PTBP2: variants seen among roughly 807,000 people sequenced by gnomAD.
PTBP2 encodes the protein polypyrimidine tract-binding protein 2.
A neutral mutation model predicts 61.4 loss-of-function variants in PTBP2; 13 were observed. That is an observed-to-expected ratio of 0.21 (90% CI 0.14 to 0.34). The LOEUF (loss-of-function observed/expected upper bound fraction) is 0.34. Ranked by LOEUF, PTBP2 falls within the 10% of genes least tolerant of loss-of-function variation. The pLI is 1.00. For missense variants in PTBP2, 405 were observed against 642.6 expected (o/e 0.63, Z 4.00); for synonymous variants, 215 against 218.5 (o/e 0.98, Z 0.14).
At chr1:96,740,060 A>G (rs1000011396) in intron 2 of PTBP2, among the ~76,000 whole-genome samples, 1 of 152,130 alleles carries the variant, frequency 6.6e-6, no homozygotes, top group Non-Finnish European at 1.5e-5. Flanking sequence ...ACTTAATATA[A>G]TGTCCTCAGG....
exon 14 of PTBP2, chr1:96,821,597 G>A (rs1010255691): frequency 1.3e-5 from 2 of 151,582 alleles, no homozygotes; most frequent in Non-Finnish European, 2.9e-5. Context: ...TGGATTACTA[G>A]CCACATAAAT....
At chr1:96,763,265 C>A (rs2100979826) in intron 3 of PTBP2, among the ~76,000 whole-genome samples, 1 of 152,212 alleles carries the variant, frequency 6.6e-6, no homozygotes, top group South Asian at 2.1e-4. Flanking sequence ...GAGATCACGC[C>A]ACTGCACTCC....
chr1:96,813,156 G>C (rs1168122916), intron 13 of PTBP2, 50 bp downstream of exon 13: 1 of 1,556,424 alleles, frequency 6.4e-7, no homozygotes, highest in Non-Finnish European at 8.7e-7. Context: ...AAATTTTTAA[G>C]TAGTTTTTGT....
intron 2 of PTBP2, among the ~76,000 whole-genome samples, chr1:96,730,606 C>T (rs1413788750): frequency 6.6e-6 from 1 of 151,994 alleles, no homozygotes; most frequent in East Asian, 1.9e-4. Context: ...GTTTTGTGGT[C>T]CAAATATATA....
At chr1:96,768,092 A>C (rs552798649) in intron 3 of PTBP2, among the ~76,000 whole-genome samples, 1 of 152,238 alleles carries the variant, frequency 6.6e-6, no homozygotes, top group East Asian at 1.9e-4. Flanking sequence ...CAATAAAGTC[A>C]TTACTACTAT....
chr1:96,806,993 A>T (rs561285252), intron 11 of PTBP2, 35 bp downstream of exon 11: 1 of 1,476,866 alleles, frequency 6.8e-7, no homozygotes, highest in African/African-American at 1.4e-5. Flanking sequence ...ATACATCTTC[A>T]CTTCTGCTTT....
chr1:96,817,591 CACTCA>C (rs1244615260), downstream of PTBP2: 4 of 152,046 alleles, frequency 2.6e-5, no homozygotes, highest in African/African-American at 9.7e-5. Flanking sequence ...CTATGCACTT[CACTCA>C]ACTATATCAC....
intron 2 of PTBP2, among the ~76,000 whole-genome samples, chr1:96,725,268 A>C (rs368987098): frequency 6.6e-6 from 1 of 151,578 alleles, no homozygotes; most frequent in African/African-American, 2.4e-5. Flanking sequence ...GACTTGGAAT[A>C]GGATGTCCAG....
intron 8 of PTBP2, 71 bp from the exon 9 acceptor site, chr1:96,804,729 G>T: frequency 1.4e-6 from 2 of 1,445,454 alleles, no homozygotes; most frequent in South Asian, 1.3e-5. Flanking sequence ...TGCTTAAATT[G>T]GTTTTTGTAA....
chr1:96,821,958 TTTAA>T (rs1347367406), exon 14 of PTBP2: 1 of 152,188 alleles, frequency 6.6e-6, no homozygotes, highest in African/African-American at 2.4e-5. Context: ...CTTGAGAGTC[TTTAA>T]TTCTTTTTTT....
intron 3 of PTBP2, among the ~76,000 whole-genome samples, chr1:96,762,602 T>A (rs1656085000): frequency 2.2e-5 from 3 of 137,252 alleles, no homozygotes; most frequent in Admixed American, 7.1e-5. Context: ...GGCTCCTCAC[T>A]TCCCAGTAGG....
intron 1 of PTBP2, 103 bp downstream of exon 1, chr1:96,721,975 G>T (rs1417667310): frequency 6.8e-7 from 1 of 1,479,252 alleles, no homozygotes; most frequent in Non-Finnish European, 9.2e-7. Context: ...CCCCTCCCAG[G>T]GCTGGGCTGC....
At chr1:96,749,692 T>C in intron 2 of PTBP2, 1 of 455,540 alleles carries the variant, frequency 2.2e-6, no homozygotes, top group South Asian at 1.6e-5. Context: ...ATAACGTAAT[T>C]CACTTACTTA....
intron 2 of PTBP2, among the ~76,000 whole-genome samples, chr1:96,750,847 A>C (rs1470261613): frequency 6.6e-6 from 1 of 152,132 alleles, no homozygotes; most frequent in East Asian, 1.9e-4. Flanking sequence ...GTTACCGAAG[A>C]GATGAATGTA....
chr1:96,806,555 C>G, intron 10 of PTBP2, 103 bp downstream of exon 10: 1 of 1,284,874 alleles, frequency 7.8e-7, no homozygotes, highest in Non-Finnish European at 1.1e-6. Flanking sequence ...AATAGTAAAT[C>G]TTTTGCTATT....
chr1:96,750,178 A>T lies in PTBP2; in HGVS notation c.40-1247A>T, dbSNP rs1263565454. Among the ~76,000 whole-genome samples, 3 of 151,970 alleles carry T rather than the reference A, an allele frequency of 2.0e-5. No homozygotes were observed. The East Asian group carries it at 5.8e-4, about 29-fold the overall frequency. Reference sequence around the variant, plus strand: ...TCAGTAAGCTTCCAGGTCTAATCTTAGGATTAGGGACCACACTTTGAGAAT... The same window carrying T: ...TCAGTAAGCTTCCAGGTCTAATCTTTGGATTAGGGACCACACTTTGAGAAT... On this transcript the variant is annotated intron_variant, in intron 2 of 13. Coordinates refer to ENST00000674951, the MANE Select transcript of PTBP2 (RefSeq NM_021190.4).
chr1:96,742,471 A>G (rs754817468), intron 2 of PTBP2, among the ~76,000 whole-genome samples: 17 of 152,042 alleles, frequency 1.1e-4, no homozygotes, highest in African/African-American at 2.7e-4. Context: ...TCAAGCACCT[A>G]TGTTTTCTCC....
downstream of PTBP2, chr1:96,819,854 C>T (rs932115987): frequency 2.0e-5 from 3 of 151,356 alleles, no homozygotes; most frequent in African/African-American, 4.9e-5. Flanking sequence ...GGAAATTGGT[C>T]GAAGAATTAC....
chr1:96,728,968 C>G (rs1650982691), intron 2 of PTBP2, among the ~76,000 whole-genome samples: 1 of 152,086 alleles, frequency 6.6e-6, no homozygotes, highest in Admixed American at 6.5e-5. Context: ...TGGCATATTG[C>G]TCATATGTTC....
Sources: allele counts gnomAD v4.1 joint callset (sites outside exome capture counted in the v4.1 genomes callset), GRCh38; gene constraint gnomAD v4.1.1; transcripts MANE v1.5; gene names NCBI Gene and HGNC (gene_info 2026-07-23, HGNC 2026-07-21).